The following VARS2 variants were observed in gnomAD, a reference collection of about 807,000 sequenced individuals.
VARS2 encodes the protein valyl-tRNA synthetase 2, mitochondrial.
In VARS2, 105 loss-of-function variants were observed where a neutral mutation model predicts 154.1. That is an observed-to-expected ratio of 0.68 (90% CI 0.58 to 0.80). The LOEUF (loss-of-function observed/expected upper bound fraction) is 0.80, where lower values mean the gene tolerates loss of function less well. Among genes scored for constraint, VARS2 ranks in the 30% least tolerant of loss-of-function variants. The pLI is 0.00. For missense variants in VARS2, 1,157 were observed against 1,361.4 expected (o/e 0.85, Z 2.36); for synonymous variants, 483 against 539.5 (o/e 0.90, Z 1.45).
intron 25 of VARS2, chr6:30,924,134 G>A: frequency 1.7e-6 from 1 of 584,962 alleles, no homozygotes; most frequent in South Asian, 2.1e-5. Context: ...TGTTTCCCTG[G>A]AAATCCTGTC....
chr6:30,926,294 C>A lies in VARS2; in HGVS notation c.*84C>A. 7.4e-7 allele frequency: 1 copy of A among 1,358,820 alleles called. No homozygotes were observed. Among genetic ancestry groups the A allele is most frequent in the Non-Finnish European group, 1.0e-6 (1 of 965,830 alleles). The allele number at this position is 1,358,820 out of a possible 1,614,324, so 84.2% of individuals were successfully genotyped here. ...TGTCAGCTGTCAGGGTGCAGTGGGA[C>A]GTCAGAGACTATGTGGTCCATCGCC... is the stretch of plus-strand genomic sequence containing the variant. On this transcript the variant is annotated 3_prime_UTR_variant, in exon 30 of 30. Transcript: ENST00000676266.
In VARS2 at chr6:30,922,448, A is replaced by G. The variant is rs901879886; in HGVS notation, c.1933-2A>G. On this transcript the variant is annotated splice_acceptor_variant, in intron 20 of 29. Transcript: ENST00000676266. LOFTEE classifies it high-confidence loss of function. Reference sequence around the variant, plus strand: ...CCTCTGTTGACCCCTCCCTGCCCCCAGGTGCTTCTTCATCCCATGGTTCGG... The same window carrying G: ...CCTCTGTTGACCCCTCCCTGCCCCCGGGTGCTTCTTCATCCCATGGTTCGG... 1 of 1,606,844 alleles carries G rather than the reference A, an allele frequency of 6.2e-7. No individual in the cohort carries two copies. The highest frequency in any genetic ancestry group is 1.3e-5 in the African/African-American group (1 of 74,716).
Position 30,920,399 on chromosome 6 carries a change from G to A in VARS2, c.1360G>A (p.Gly454Ser). 1 of 1,612,966 alleles carries A rather than the reference G, an allele frequency of 6.2e-7. No individual in the cohort carries two copies. The change falls in exon 14 of 30, where the codon GGC (glycine) becomes AGC (serine). Residue 454 changes from glycine (G) to serine (S), a missense_variant. Coordinates refer to ENST00000676266, the MANE Select transcript of VARS2 (RefSeq NM_020442.6). This position sits in a 1 kb window ranked among gnomAD's most constrained non-coding sequence, Gnocchi z 4.6. The stretch of plus-strand genomic sequence containing the variant: ...GCTGAGTGAATGGGGCCTGTTCCGG[G>A]GCCTCCAGAACCACCCCATGGTACT... ...SVLSEWGLFR[G>S]LQNHPMVLPI... is the part of the protein sequence containing the mutation.
chr6:30,915,251 G>A lies in VARS2; in HGVS notation c.283+14G>A, dbSNP rs910847542. ...GTGAAAAGAAAGGTAAGTAGAATAA[G>A]TAAGAAGGCCTTTTCTTTCACATAT... On this transcript the variant is annotated intron_variant, in intron 3 of 29. Coordinates refer to ENST00000676266, the MANE Select transcript of VARS2 (RefSeq NM_020442.6). 2 of 1,613,738 alleles carry A rather than the reference G, an allele frequency of 1.2e-6. No homozygotes were observed. Among genetic ancestry groups the A allele is most frequent in the African/African-American group, 2.7e-5 (2 of 74,932 alleles).
Position 30,921,544 on chromosome 6 carries a change from C to T in VARS2, c.1633-45C>T. The T allele has an allele frequency of 6.4e-7, 1 of 1,568,220 alleles. No homozygotes were observed. The highest frequency in any genetic ancestry group is 8.7e-7 in the Non-Finnish European group (1 of 1,155,884). ...AAAACCAAGTGACATTTACACCTGT[C>T]AGCTGTTCTTCCTCACTCTCCCCAA... On this transcript the variant is annotated intron_variant, in intron 17 of 29. Coordinates refer to ENST00000676266, the MANE Select transcript of VARS2 (RefSeq NM_020442.6). The surrounding 1 kb of genome is among the most constrained non-coding windows in gnomAD (Gnocchi z 4.6).
rs1444546477 is a variant in VARS2, at chr6:30,915,792, C to T, written c.431C>T (p.Pro144Leu). 1 of 1,613,972 alleles carries T rather than the reference C, an allele frequency of 6.2e-7. No homozygotes were observed. The highest frequency in any genetic ancestry group is 8.5e-7 in the Non-Finnish European group (1 of 1,180,034). ...GGGGAGACCTTTTCCATGTGTATCCCACCTCCCAATGTCACTGGCTCCCTG... is the reference window on the plus strand; with the variant it reads ...GGGGAGACCTTTTCCATGTGTATCCTACCTCCCAATGTCACTGGCTCCCTG... The part of the protein sequence containing the change: ...ATGETFSMCI[P>L]PPNVTGSLHI... The change falls in exon 5 of 30, where the codon CCA becomes CTA. Residue 144 changes from proline to leucine, a missense_variant. By Grantham distance (98) the Pro-to-Leu change is moderately conservative. Coordinates refer to ENST00000676266, the MANE Select transcript of VARS2 (RefSeq NM_020442.6).
rs1430833580 is a variant in VARS2, at chr6:30,923,153, C to T, written c.2235C>T (p.Phe745=). Residue 745 remains phenylalanine, a synonymous_variant, in exon 24 of 30, where the codon TTC becomes TTT. Coordinates refer to ENST00000676266, the MANE Select transcript of VARS2 (RefSeq NM_020442.6). ...CTGAGGTCCAGAGCTGCCGACATTT[C>T]TGCAACAAGATCTGGAATGCTCTTC... is the stretch of plus-strand genomic sequence containing the variant. The part of the protein sequence containing the change: ...SVSEVQSCRH[F]CNKIWNALRF... 5 of 1,613,128 alleles carry T rather than the reference C, an allele frequency of 3.1e-6. No homozygotes were observed. Among genetic ancestry groups the T allele is most frequent in the Non-Finnish European group, 4.2e-6 (5 of 1,180,040 alleles).
Position 30,916,436 on chromosome 6 carries a change from A to G in VARS2, c.671+187A>G, listed in dbSNP as rs1399626885. ...TAAGCCTTATGTGTGTGGATATTAT[A>G]TATGCATTAGAATATTCGTGTGTGT... On this transcript the variant is annotated intron_variant, in intron 7 of 29. Coordinates refer to ENST00000676266, the MANE Select transcript of VARS2 (RefSeq NM_020442.6). This position sits in a 1 kb window ranked among gnomAD's most constrained non-coding sequence, Gnocchi z 4.0. 1.9e-6 allele frequency: 1 copy of G among 538,560 alleles called. No homozygotes were observed. Among genetic ancestry groups the G allele is most frequent in the Non-Finnish European group, 3.3e-6 (1 of 306,436 alleles). The allele number at this position is 538,560 out of a possible 1,614,324, so 33.4% of individuals were successfully genotyped here. A position where few individuals can be genotyped will look rare whatever the true frequency, so the allele number is the denominator to read the frequency against.
At position 30,917,202 on chromosome 6, in the gene VARS2, G is replaced by A. The variant is rs1226021358; in HGVS notation, c.851G>A (p.Arg284Lys). 6.2e-7 allele frequency: 1 copy of A among 1,614,106 alleles called. No homozygotes were observed. The highest frequency in any genetic ancestry group is 8.5e-7 in the Non-Finnish European group (1 of 1,180,058). Residue 284 changes from arginine (R) to lysine (K), a missense_variant, in exon 9 of 30, where the codon AGA (arginine) becomes AAA (lysine). Physicochemically the swap from Arg to Lys is conservative, Grantham distance 26. Transcript: ENST00000676266. The surrounding 1 kb of genome is among the most constrained non-coding windows in gnomAD (Gnocchi z 4.4). ...CTTGTCAACTGGTCATGTGCTTTAA[G>A]ATCAGCCATCTCGGACATTGAGGTG... ...HQLVNWSCAL[R>K]SAISDIEVEN...
chr6:30,915,589 C>A, intron 4 of VARS2, 134 bp downstream of exon 4: 1 of 1,444,806 alleles, frequency 6.9e-7, no homozygotes, highest in South Asian at 1.3e-5. Flanking sequence ...AAAGATTTCT[C>A]TTGGCAGGTT....
rs373869922 is a variant in VARS2 at position 30,922,681 on chromosome 6, G to A, written c.2038-25G>A. On this transcript the variant is annotated intron_variant, in intron 21 of 29. Transcript: ENST00000676266. ...AGAGGCAGGGCCTTCGACCTGGGTC[G>A]TGAATTGCCCCCTTCCATCCCCAGG... The A allele has an allele frequency of 2.7e-5, 43 of 1,607,542 alleles. No individual in the cohort carries two copies. The Admixed American group carries it at 3.0e-4, about 11-fold the overall frequency.
chr6:30,914,825 C>T lies in VARS2; in HGVS notation c.-12C>T. ...TCCAGAACAGATCTCGGCCCCTTTC[C>T]AAACACTCCTGATGCCTCATTTGCC... On this transcript the variant is annotated 5_prime_UTR_variant, in exon 2 of 30. Transcript: ENST00000676266. 1 of 1,613,024 alleles carries T rather than the reference C, an allele frequency of 6.2e-7. No individual in the cohort carries two copies. Among genetic ancestry groups the T allele is most frequent in the East Asian group, 2.2e-5 (1 of 44,892 alleles).
At chr6:30,925,504 G>T in intron 27 of VARS2, 40 bp from the exon 28 acceptor site, 1 of 1,557,176 alleles carries the variant, frequency 6.4e-7, no homozygotes. Context: ...AAGGGAGGCA[G>T]GAGCTGAGGC....
intron 10 of VARS2, 149 bp from the exon 11 acceptor site, chr6:30,918,678 T>C (rs976033962): frequency 4.7e-6 from 3 of 639,058 alleles, no homozygotes; most frequent in Non-Finnish European, 8.4e-6. Context: ...TAAACACTGC[T>C]CCTACTTTTT....
intron 1 of VARS2, 22 bp downstream of exon 1, chr6:30,914,366 C>G: frequency 8.0e-7 from 1 of 1,248,370 alleles, no homozygotes; most frequent in Non-Finnish European, 1.0e-6. Flanking sequence ...CCGGGGCGGC[C>G]TCCGGGAAGT....
Position 30,914,935 on chromosome 6 carries a change from G to T in VARS2, c.99G>T (p.Glu33Asp). The T allele has an allele frequency of 6.2e-7, 1 of 1,613,072 alleles. No individual in the cohort carries two copies. The highest frequency in any genetic ancestry group is 8.5e-7 in the Non-Finnish European group (1 of 1,180,034). ...PRFHSVSTQS[E>D]PHGSPISRRN... ...TTCACTCCGTTTCTACACAGTCGGA[G>T]CCCCATGGATCTCCCATCTCCCGGA... The change falls in exon 2 of 30, where the codon GAG becomes GAT. Residue 33 changes from glutamate to aspartate, a missense_variant. Transcript: ENST00000676266.
chr6:30,919,712 C>T lies in VARS2; in HGVS notation c.1075-46C>T, dbSNP rs1444980614. On this transcript the variant is annotated intron_variant, in intron 11 of 29. Transcript: ENST00000676266. The surrounding 1 kb of genome is among the most constrained non-coding windows in gnomAD (Gnocchi z 4.5). ...TCTCACGCCCCAGCCCAGACCCTTC[C>T]AACCCTCACAGGTGCCTGTCCTTGA... The T allele has an allele frequency of 6.8e-7, 1 of 1,480,668 alleles. No individual in the cohort carries two copies. Among genetic ancestry groups the T allele is most frequent in the African/African-American group, 1.4e-5 (1 of 71,400 alleles). 91.7% of individuals were successfully genotyped at this position (1,480,668 alleles called of 1,614,324 possible).
At position 30,914,258 on chromosome 6, in the gene VARS2, T is replaced by C. The variant is rs1219186006; in HGVS notation, c.-114T>C. On this transcript the variant is annotated 5_prime_UTR_variant, in exon 1 of 30. Transcript: ENST00000676266. ...GCCCCGCCCCCATGCGCCGCGCGGCTCCAGGGCCACGTTCCAGGGTCGGGT... is the reference window on the plus strand; with the variant it reads ...GCCCCGCCCCCATGCGCCGCGCGGCCCCAGGGCCACGTTCCAGGGTCGGGT... 3 of 816,464 alleles carry C rather than the reference T, an allele frequency of 3.7e-6. No homozygotes were observed. The highest frequency in any genetic ancestry group is 4.9e-6 in the Non-Finnish European group (3 of 606,580). The allele number at this position is 816,464 out of a possible 1,614,324, so 50.6% of individuals were successfully genotyped here.
In VARS2 at chr6:30,919,175, G is replaced by A. The variant is rs894112789; in HGVS notation, c.1074+260G>A. On this transcript the variant is annotated intron_variant, in intron 11 of 29. Transcript: ENST00000676266. This position sits in a 1 kb window ranked among gnomAD's most constrained non-coding sequence, Gnocchi z 4.5. ...GCTCTGTCACCAAGGCTGGAGGGCA[G>A]TGGTGTGATCTTGGCTCACTGCAAC... 2.2e-5 allele frequency: 9 copies of A among 414,592 alleles called. No individual in the cohort carries two copies. Among genetic ancestry groups the A allele is most frequent in the Middle Eastern group, 6.6e-4 (1 of 1,508 alleles). The allele number at this position is 414,592 out of a possible 1,614,324, so 25.7% of individuals were successfully genotyped here.
Sources: allele counts gnomAD v4.1 joint callset, GRCh38; gene constraint gnomAD v4.1.1; non-coding constraint Gnocchi (gnomAD v3.1); transcripts MANE v1.5; gene names NCBI Gene and HGNC (gene_info 2026-07-23, HGNC 2026-07-21).